Variants in PDE6C observed in about 807,000 individuals in gnomAD.
The protein encoded by PDE6C is phosphodiesterase 6C, also known as cone cGMP-specific 3',5'-cyclic phosphodiesterase subunit alpha'.
A neutral mutation model predicts 113.1 loss-of-function variants in PDE6C; 75 were observed. The observed-to-expected ratio is 0.66, with a 90% CI of 0.55 to 0.80. The LOEUF (loss-of-function observed/expected upper bound fraction) is 0.80. PDE6C is among the 30% of genes least tolerant of loss of function. The pLI, the probability that PDE6C is intolerant of heterozygous loss-of-function variation, is 0.00. For missense variants in PDE6C, 912 were observed against 1,038.6 expected, an observed-to-expected ratio of 0.88 and a Z score of 1.67; for synonymous variants, 375 against 363.7, an observed-to-expected ratio of 1.03 and a Z score of -0.35.
At position 93,622,648 on chromosome 10, in the gene PDE6C, T is replaced by TG. The variant is rs1564796630; in HGVS notation, c.864+576_864+577insG. ...CTCCTGGTAGCCACAGGTTTTTTTT[T>TG]TGTTTTTTTTTTTGTTGTTTTTTTT... On this transcript the variant is annotated intron_variant, in intron 4 of 21. Coordinates refer to ENST00000371447, the MANE Select transcript of PDE6C (RefSeq NM_006204.4). 2.6e-3 allele frequency among the ~76,000 whole-genome samples: 22 copies of TG among 8,582 alleles called. 1 individual carries two copies. The highest frequency in any genetic ancestry group is 7.5e-3 in the Admixed American group (2 of 266). 5.6% of individuals were successfully genotyped at this position (8,582 alleles called of 152,430 possible).
At chr10:93,628,698 TTAAAA>T (rs142213958) in intron 7 of PDE6C, among the ~76,000 whole-genome samples, 9,824 of 152,280 alleles carry the variant, frequency 0.065, 432 homozygotes, top group Middle Eastern at 0.099. Flanking sequence ...TACAGAAAAC[TTAAAA>T]TGACCCAAAG....
intron 8 of PDE6C, among the ~76,000 whole-genome samples, chr10:93,634,476 C>T (rs759147137): frequency 6.6e-6 from 1 of 152,178 alleles, no homozygotes; most frequent in East Asian, 1.9e-4. Context: ...TATATGTACA[C>T]ACACACATAT....
At position 93,617,730 on chromosome 10, in the gene PDE6C, C is replaced by T. The variant is rs572995515; in HGVS notation, c.481-2902C>T. Among the ~76,000 whole-genome samples the T allele has an allele frequency of 9.9e-5, 15 of 152,224 alleles. No homozygotes were observed. The South Asian group carries it at 3.1e-3, about 32-fold the overall frequency. On this transcript the variant is annotated intron_variant, in intron 1 of 21. Coordinates refer to ENST00000371447, the MANE Select transcript of PDE6C (RefSeq NM_006204.4). ...TGAAGCCTGCAGTGATCAGAGATCACGCCATTGCACTCTAGCCTGGGCAAC... is the reference window on the plus strand; with the variant it reads ...TGAAGCCTGCAGTGATCAGAGATCATGCCATTGCACTCTAGCCTGGGCAAC...
intron 18 of PDE6C, 105 bp from the exon 19 acceptor site, chr10:93,661,954 C>CAA: frequency 1.3e-6 from 1 of 786,694 alleles, no homozygotes; most frequent in Middle Eastern, 2.2e-4. Flanking sequence ...GATAGCACCT[C>CAA]AAACATTGAC....
intron 15 of PDE6C, among the ~76,000 whole-genome samples, chr10:93,649,396 A>C (rs2058599354): frequency 6.6e-6 from 1 of 152,228 alleles, no homozygotes; most frequent in African/African-American, 2.4e-5. Context: ...ATCAAAGACA[A>C]ATATTTCTTA....
chr10:93,620,696 C>A lies in PDE6C; in HGVS notation c.545C>A (p.Thr182Asn). ...TATGTCACTAAGAACCTGCTGGCAA[C>A]CCCGATCGTGGTGGGCAAGGAGGTT... is the stretch of plus-strand genomic sequence containing the variant. ...TGYVTKNLLA[T>N]PIVVGKEVLA... Residue 182 changes from threonine to asparagine, a missense_variant, in exon 2 of 22, where the codon ACC becomes AAC. Thr to Asn is a moderately conservative substitution (Grantham distance 65, BLOSUM62 0). Coordinates refer to ENST00000371447, the MANE Select transcript of PDE6C (RefSeq NM_006204.4). 1.9e-6 allele frequency: 3 copies of A among 1,614,140 alleles called. No homozygotes were observed. Among genetic ancestry groups the A allele is most frequent in the Non-Finnish European group, 2.5e-6 (3 of 1,179,978 alleles).
In PDE6C at chr10:93,612,844, G is replaced by T; in HGVS notation, c.119G>T (p.Ser40Ile). Residue 40 changes from serine (S) to isoleucine (I), a missense_variant, in exon 1 of 22, where the codon AGC (serine) becomes ATC (isoleucine). Coordinates refer to ENST00000371447, the MANE Select transcript of PDE6C (RefSeq NM_006204.4). ...GTGCTGGGAGAAATCTTCAAGAACA[G>T]CCAGGTGCCAGTCCAGTCCAGCATG... is the stretch of plus-strand genomic sequence containing the variant. ...VEVLGEIFKN[S>I]QVPVQSSMSF... The T allele has an allele frequency of 6.2e-7, 1 of 1,614,178 alleles. No homozygotes were observed. The highest frequency in any genetic ancestry group is 1.7e-4 in the Middle Eastern group (1 of 6,048).
chr10:93,662,643 G>A lies in PDE6C; in HGVS notation c.2367G>A (p.Lys789=), dbSNP rs2058671471. ...ATTTTGTTTGTACTTTTGTATATAA[G>A]GTAAGTAAGCAAATTATTTGAATTA... ...FIDFVCTFVY[K]EFSRFHKEIT... Residue 789 remains lysine, a splice_region_variant and synonymous_variant, in exon 20 of 22, where the codon AAG becomes AAA. Coordinates refer to ENST00000371447, the MANE Select transcript of PDE6C (RefSeq NM_006204.4). 2 of 1,224,644 alleles carry A rather than the reference G, an allele frequency of 1.6e-6. No homozygotes were observed. Among genetic ancestry groups the A allele is most frequent in the Non-Finnish European group, 2.4e-6 (2 of 825,466 alleles). 75.9% of individuals were successfully genotyped at this position (1,224,644 alleles called of 1,614,324 possible).
At chr10:93,622,162 T>A in intron 4 of PDE6C, 90 bp downstream of exon 4, 1 of 1,243,626 alleles carries the variant, frequency 8.0e-7, no homozygotes, top group Non-Finnish European at 1.2e-6. Flanking sequence ...ACAGATACAC[T>A]ATGTAAATAA....
At position 93,612,953 on chromosome 10, in the gene PDE6C, A is replaced by C. The variant is rs201286677; in HGVS notation, c.228A>C (p.Pro76=). 6.2e-7 allele frequency: 1 copy of C among 1,614,000 alleles called. No homozygotes were observed. The highest frequency in any genetic ancestry group is 1.3e-5 in the African/African-American group (1 of 75,054). Reference sequence around the variant, plus strand: ...CCGTGCAGGAGGAGGGGGGCACCCCAGAGCAGGGGGTTCACAGGGCCCTGC... The same window carrying C: ...CCGTGCAGGAGGAGGGGGGCACCCCCGAGCAGGGGGTTCACAGGGCCCTGC... ...LWTVQEEGGT[P]EQGVHRALQR... The change falls in exon 1 of 22, where the codon CCA becomes CCC. Residue 76 remains proline, a synonymous_variant. Transcript: ENST00000371447.
At chr10:93,621,031 C>A in intron 3 of PDE6C, 51 bp downstream of exon 3, 1 of 1,489,930 alleles carries the variant, frequency 6.7e-7, no homozygotes, top group Non-Finnish European at 9.4e-7. Context: ...TCTGACAAAG[C>A]CGCCCAGAGA....
chr10:93,664,524 T>C (rs2058681259), intron 21 of PDE6C, among the ~76,000 whole-genome samples: 1 of 152,208 alleles, frequency 6.6e-6, no homozygotes, highest in Non-Finnish European at 1.5e-5. Context: ...TAAGGTAAGA[T>C]ATGATTTGCA....
At position 93,640,166 on chromosome 10, in the gene PDE6C, C is replaced by T. The variant is rs1028838062; in HGVS notation, c.1579C>T (p.Arg527Ter). Reference protein sequence around the residue: ...TEHGLIKCGIRLFFEINVVEK... With the variant: ...TEHGLIKCGI ...GCACGGATTGATTAAATGTGGAATA[C>T]GACTGTTTTTTGAAATAAATGTGGT... The change falls in exon 12 of 22, where the codon CGA (arginine) becomes TGA (stop). Residue 527 changes from arginine (R) to a stop codon, truncating the protein, a stop_gained. Coordinates refer to ENST00000371447, the MANE Select transcript of PDE6C (RefSeq NM_006204.4). LOFTEE classifies it high-confidence loss of function. The T allele has an allele frequency of 1.1e-5, 17 of 1,613,070 alleles. 1 individual carries two copies. In the Admixed American group the frequency reaches 2.0e-4, roughly 19 times the overall value.
In PDE6C at chr10:93,658,941, C is replaced by T. The variant is rs2058653489; in HGVS notation, c.2077C>T (p.Gln693Ter). 6.2e-7 allele frequency: 1 copy of T among 1,612,892 alleles called. No homozygotes were observed. The highest frequency in any genetic ancestry group is 8.5e-7 in the Non-Finnish European group (1 of 1,179,232). Residue 693 changes from glutamine to a stop codon, truncating the protein, a stop_gained, in exon 17 of 22, where the codon CAA (glutamine) becomes TAA (stop). Coordinates refer to ENST00000371447, the MANE Select transcript of PDE6C (RefSeq NM_006204.4). LOFTEE classifies it high-confidence loss of function. ...TCAAAAAATTGTTGATGCCTGTGAACAAATGCAAACGGAAGAAGAAGCCAT... is the reference window on the plus strand; with the variant it reads ...TCAAAAAATTGTTGATGCCTGTGAATAAATGCAAACGGAAGAAGAAGCCAT... ...MFQKIVDACE[Q>*]MQTEEEAIKY... is the part of the protein sequence containing the mutation.
chr10:93,665,246 G>A, intron 21 of PDE6C, 114 bp from the exon 22 acceptor site: 1 of 837,968 alleles, frequency 1.2e-6, no homozygotes, highest in Non-Finnish European at 2.1e-6. Context: ...GTACTTGCTA[G>A]GTTAAAATGA....
At chr10:93,645,756 C>A (rs2058581038) in intron 14 of PDE6C, among the ~76,000 whole-genome samples, 1 of 149,476 alleles carries the variant, frequency 6.7e-6, no homozygotes, top group Non-Finnish European at 1.5e-5. Flanking sequence ...TTTATGCATT[C>A]AACAAATTAA....
intron 14 of PDE6C, among the ~76,000 whole-genome samples, chr10:93,644,286 C>T (rs567034774): frequency 1.6e-4 from 25 of 152,242 alleles, no homozygotes; most frequent in South Asian, 1.0e-3. Flanking sequence ...ATACGTGAAA[C>T]GTTAGTTTGA....
At chr10:93,653,048 G>C (rs1050486760) in intron 15 of PDE6C, among the ~76,000 whole-genome samples, 2 of 151,928 alleles carry the variant, frequency 1.3e-5, no homozygotes, top group Non-Finnish European at 2.9e-5. Flanking sequence ...TTATTAATTT[G>C]CCAAGTATGT....
intron 15 of PDE6C, among the ~76,000 whole-genome samples, chr10:93,652,445 A>C (rs2058613453): frequency 6.6e-6 from 1 of 152,226 alleles, no homozygotes; most frequent in Non-Finnish European, 1.5e-5. Flanking sequence ...TTTTAGATAA[A>C]AATGAAAATG....
Sources: allele counts gnomAD v4.1 joint callset (sites outside exome capture counted in the v4.1 genomes callset), GRCh38; gene constraint gnomAD v4.1.1; transcripts MANE v1.5; gene names NCBI Gene and HGNC (gene_info 2026-07-23, HGNC 2026-07-21).